CCSER1: variants seen among roughly 807,000 people sequenced by gnomAD.
CCSER1 encodes serine-rich coiled-coil domain-containing protein 1.
In CCSER1, 41 loss-of-function variants were observed where a neutral mutation model predicts 82.0. The observed-to-expected ratio is 0.50, with a 90% CI of 0.39 to 0.65. The LOEUF (loss-of-function observed/expected upper bound fraction) is 0.65, where lower values mean the gene tolerates loss of function less well. Among genes scored for constraint, CCSER1 ranks in the 30% least tolerant of loss-of-function variants. The pLI is 0.00. For missense variants in CCSER1, 1,119 were observed against 1,064.2 expected (o/e 1.05, Z -0.72); for synonymous variants, 414 against 383.9 (o/e 1.08, Z -0.92).
At chr4:91,317,988 T>C (rs1290792721) in intron 10 of CCSER1, among the ~76,000 whole-genome samples, 3 of 151,948 alleles carry the variant, frequency 2.0e-5, no homozygotes, top group Admixed American at 6.6e-5. Context: ...CCTCATTTCA[T>C]AGGAGAAGGG....
intron 5 of CCSER1, among the ~76,000 whole-genome samples, chr4:90,537,196 C>T (rs924496238): frequency 1.4e-4 from 22 of 152,260 alleles, no homozygotes; most frequent in Admixed American, 3.3e-4. Context: ...CACTTGTAAA[C>T]ATTAGCTTTG....
At chr4:91,210,766 T>TA (rs1335012276) in intron 10 of CCSER1, among the ~76,000 whole-genome samples, 1 of 151,920 alleles carries the variant, frequency 6.6e-6, no homozygotes, top group Non-Finnish European at 1.5e-5. Flanking sequence ...CCATTTGCTG[T>TA]AAAGAACATT....
chr4:90,788,271 T>C (rs950938438), intron 7 of CCSER1, among the ~76,000 whole-genome samples: 6 of 152,208 alleles, frequency 3.9e-5, no homozygotes, highest in South Asian at 4.1e-4. Flanking sequence ...CAATTACTTA[T>C]ATATGATCTA....
chr4:91,486,455 A>G (rs1457839190), intron 10 of CCSER1, among the ~76,000 whole-genome samples: 1 of 152,064 alleles, frequency 6.6e-6, no homozygotes, highest in Non-Finnish European at 1.5e-5. Context: ...GATACTAATT[A>G]CTACCAAAAT....
intron 9 of CCSER1, among the ~76,000 whole-genome samples, chr4:91,032,255 A>G (rs907832698): frequency 2.0e-5 from 3 of 152,128 alleles, no homozygotes; most frequent in Non-Finnish European, 4.4e-5. Flanking sequence ...TTTTGGTATC[A>G]ACAGCATTTT....
chr4:91,264,398 TCTC>T (rs1221645920), intron 10 of CCSER1, among the ~76,000 whole-genome samples: 1 of 151,930 alleles, frequency 6.6e-6, no homozygotes, highest in African/African-American at 2.4e-5. Context: ...TAGGGCATTT[TCTC>T]CATAAGTGGC....
intron 8 of CCSER1, among the ~76,000 whole-genome samples, chr4:90,900,094 G>GTTTTTTTTTTTTTTTTT (rs70963096): frequency 9.8e-6 from 1 of 102,156 alleles, no homozygotes; most frequent in Non-Finnish European, 2.1e-5. Flanking sequence ...TGGTCCCAGA[G>GTTTTTTTTTTTTTTTTT]TTTTTTTTTT....
intron 10 of CCSER1, among the ~76,000 whole-genome samples, chr4:91,260,039 G>A (rs1010599243): frequency 6.6e-6 from 1 of 152,104 alleles, no homozygotes; most frequent in Non-Finnish European, 1.5e-5. Context: ...TGTTATTATT[G>A]CCTGTTGGAT....
At chr4:91,048,826 G>T (rs1742746867) in intron 9 of CCSER1, among the ~76,000 whole-genome samples, 1 of 152,104 alleles carries the variant, frequency 6.6e-6, no homozygotes, top group Admixed American at 6.5e-5. Flanking sequence ...CTCTCTGAAT[G>T]AATCTCAAGT....
At chr4:90,188,924 T>G (rs537196574) in intron 1 of CCSER1, among the ~76,000 whole-genome samples, 61 of 152,048 alleles carry the variant, frequency 4.0e-4, no homozygotes, top group African/African-American at 1.5e-3. Context: ...GATTAAGCAT[T>G]GGTAACTAAT....
intron 5 of CCSER1, among the ~76,000 whole-genome samples, chr4:90,488,516 T>C (rs1425992802): frequency 2.0e-5 from 3 of 152,088 alleles, no homozygotes; most frequent in African/African-American, 7.2e-5. Context: ...TATATTTCAA[T>C]CAAGAAAGCC....
chr4:90,293,438 C>T (rs1731293690), intron 1 of CCSER1, among the ~76,000 whole-genome samples: 2 of 151,212 alleles, frequency 1.3e-5, no homozygotes, highest in Non-Finnish European at 3.0e-5. Flanking sequence ...TGTTAATATA[C>T]TTTAAGGATT....
chr4:90,320,639 C>T (rs1017809838), intron 3 of CCSER1, among the ~76,000 whole-genome samples: 16 of 151,940 alleles, frequency 1.1e-4, no homozygotes, highest in African/African-American at 2.2e-4. Flanking sequence ...TTTTAAAATC[C>T]GCTGCTATTT....
intron 5 of CCSER1, among the ~76,000 whole-genome samples, chr4:90,551,706 C>CTCTCTCTCTCTATATATATATATA: frequency 2.5e-4 from 26 of 104,234 alleles, no homozygotes; most frequent in African/African-American, 8.2e-4. Flanking sequence ...CTCTCTCTCT[C>CTCTCTCTCTCTATATATATATATA]TATATATATA....
rs938057804 is a variant in CCSER1 at position 91,007,425 on chromosome 4, A to G, written c.2173-78525A>G. 3.3e-5 allele frequency among the ~76,000 whole-genome samples: 5 copies of G among 152,156 alleles called. No individual in the cohort carries two copies. The South Asian group carries it at 6.2e-4, about 19-fold the overall frequency. ...GGAGGTGTCAGATTCTGGGCTTTTCATTGCTGGATGAATTAATTATTGATT... is the reference window on the plus strand; with the variant it reads ...GGAGGTGTCAGATTCTGGGCTTTTCGTTGCTGGATGAATTAATTATTGATT... On this transcript the variant is annotated intron_variant, in intron 9 of 10. Coordinates refer to ENST00000509176, the MANE Select transcript of CCSER1 (RefSeq NM_001145065.2).
At chr4:91,125,091 T>C (rs980593510) in intron 10 of CCSER1, among the ~76,000 whole-genome samples, 1 of 151,752 alleles carries the variant, frequency 6.6e-6, no homozygotes, top group Non-Finnish European at 1.5e-5. Context: ...TTTAAAACTA[T>C]TACATGGGAT....
At chr4:91,409,031 T>C (rs1441713042) in intron 10 of CCSER1, among the ~76,000 whole-genome samples, 1 of 152,196 alleles carries the variant, frequency 6.6e-6, no homozygotes, top group African/African-American at 2.4e-5. Context: ...TCATGTATCA[T>C]ACTCCATTCG....
chr4:91,475,057 C>G (rs925629984), intron 10 of CCSER1, among the ~76,000 whole-genome samples: 1 of 151,638 alleles, frequency 6.6e-6, no homozygotes, highest in Non-Finnish European at 1.5e-5. Flanking sequence ...GAGACAGTCT[C>G]ATATAAGAAA....
At chr4:90,272,608 C>A (rs1193625073) in intron 1 of CCSER1, among the ~76,000 whole-genome samples, 8 of 152,088 alleles carry the variant, frequency 5.3e-5, no homozygotes, top group Admixed American at 5.2e-4. Context: ...ATGGACACTC[C>A]TATGTTTATT....
Sources: gnomAD v4.1 joint callset for allele counts (sites outside exome capture counted in the v4.1 genomes callset) on GRCh38, gnomAD v4.1.1 for gene constraint, MANE v1.5 for transcripts, NCBI Gene and HGNC (gene_info 2026-07-23, HGNC 2026-07-21) for gene names.